Variants in ERG observed in about 807,000 individuals in gnomAD.
ERG encodes the protein ETS transcription factor ERG, also known as transcriptional regulator ERG.
In ERG, 9 loss-of-function variants were observed where a neutral mutation model predicts 55.3. The observed-to-expected ratio is 0.16, with a 90% CI of 0.10 to 0.28. The LOEUF (loss-of-function observed/expected upper bound fraction) is 0.28, where lower values mean the gene tolerates loss of function less well. Ranked by LOEUF, ERG falls within the 10% of genes least tolerant of loss-of-function variation. The probability of loss-of-function intolerance (pLI) is 1.00; values close to 1 mark genes in which losing one functional copy is unlikely to be tolerated. For missense variants in ERG, 434 were observed against 631.6 expected (o/e 0.69, Z 3.35); for synonymous variants, 223 against 237.3 (o/e 0.94, Z 0.55).
At chr21:38,408,017 A>T (rs1316302856) in intron 3 of ERG, among the ~76,000 whole-genome samples, 2 of 151,986 alleles carry the variant, frequency 1.3e-5, no homozygotes, top group Admixed American at 6.6e-5. Flanking sequence ...TATTTTGTTA[A>T]TATAGACTGC....
At chr21:38,376,687 C>CG (rs1987251837), downstream of ERG, among the ~76,000 whole-genome samples, 2 of 152,270 alleles carry the variant, frequency 1.3e-5, no homozygotes, top group Admixed American at 1.3e-4. Context: ...AGCATCAGAG[C>CG]GGATGGAGAC....
At chr21:38,655,074 G>A (rs1424715604) in intron 1 of ERG, among the ~76,000 whole-genome samples, 1 of 152,116 alleles carries the variant, frequency 6.6e-6, no homozygotes, top group Non-Finnish European at 1.5e-5. Context: ...AGTGGTTTCT[G>A]TTTCAAAACA....
intron 1 of ERG, among the ~76,000 whole-genome samples, chr21:38,466,362 A>C (rs1035192724): frequency 1.3e-5 from 2 of 149,850 alleles, no homozygotes; most frequent in Non-Finnish European, 3.0e-5. Flanking sequence ...TATATGATGT[A>C]TATATGATTT....
intron 3 of ERG, among the ~76,000 whole-genome samples, chr21:38,412,311 T>C (rs113844975): frequency 0.013 from 2,012 of 152,344 alleles, 24 homozygotes; most frequent in Admixed American, 0.019. Context: ...CACTTTTTTT[T>C]CTTTGTTTCT....
At chr21:38,575,970 C>A (rs1480575004) in intron 1 of ERG, among the ~76,000 whole-genome samples, 1 of 152,202 alleles carries the variant, frequency 6.6e-6, no homozygotes, top group African/African-American at 2.4e-5. Flanking sequence ...CCAAGAGAAC[C>A]CTAGTCCGAC....
chr21:38,453,701 GA>G (rs2058961952), intron 1 of ERG, among the ~76,000 whole-genome samples: 1 of 152,100 alleles, frequency 6.6e-6, no homozygotes, highest in South Asian at 2.1e-4. Flanking sequence ...TGGCCAACAT[GA>G]TGAAACCCTG....
rs146107700 is a variant in ERG at position 38,596,214 on chromosome 21, C to T, written c.-149-11269G>A. Among the ~76,000 whole-genome samples the T allele has an allele frequency of 2.7e-3, 409 of 152,274 alleles. 3 individuals are homozygous for T. The highest frequency in any genetic ancestry group is 0.017 in the Middle Eastern group (5 of 294). On this transcript the variant is annotated intron_variant, in intron 1 of 10. Coordinates refer to the ERG transcript ENST00000398910. ...AGTGCAAGGTGCAGGCAGAGCCTTTCATAGTTTTAATCACTAGGTCCATTT... is the reference window on the plus strand; with the variant it reads ...AGTGCAAGGTGCAGGCAGAGCCTTTTATAGTTTTAATCACTAGGTCCATTT...
Position 38,445,465 on chromosome 21 carries a change from G to A in ERG, c.175C>T (p.Gln59Ter), listed in dbSNP as rs2146556551. The A allele has an allele frequency of 6.2e-7, 1 of 1,614,162 alleles. No homozygotes were observed. Among genetic ancestry groups the A allele is most frequent in the Non-Finnish European group, 8.5e-7 (1 of 1,180,026 alleles). ...TTGATGGTGACCCTGGCTGGGGGTT[G>A]AGACAGCCAATCCTGCTGAGGGACG... ...PRVPQQDWLS[Q>*]PPARVTIKME... Residue 59 changes from glutamine (Q) to a stop codon, truncating the protein, a stop_gained, in exon 2 of 10, where the codon CAA becomes TAA. Transcript: ENST00000288319. LOFTEE classifies it high-confidence loss of function.
At chr21:38,543,370 A>AG (rs1449046207) in intron 2 of ERG, among the ~76,000 whole-genome samples, 7 of 151,530 alleles carry the variant, frequency 4.6e-5, no homozygotes, top group African/African-American at 1.7e-4. Flanking sequence ...TTTTTAAAAA[A>AG]AAAGCAATTC....
chr21:38,657,221 C>T (rs2060524714), intron 1 of ERG, among the ~76,000 whole-genome samples: 1 of 152,172 alleles, frequency 6.6e-6, no homozygotes, highest in African/African-American at 2.4e-5. Flanking sequence ...GACAGAGTCA[C>T]ATAATGAAAC....
chr21:38,423,519 C>G lies in ERG; in HGVS notation c.279G>C (p.Met93Ile), dbSNP rs1989649667. The G allele has an allele frequency of 6.2e-7, 1 of 1,614,110 alleles. No individual in the cohort carries two copies. The highest frequency in any genetic ancestry group is 1.3e-5 in the African/African-American group (1 of 75,040). The change falls in exon 3 of 10, where the codon ATG becomes ATC. Residue 93 changes from methionine to isoleucine, a missense_variant. Coordinates refer to ENST00000288319, the MANE Select transcript of ERG (RefSeq NM_182918.4). The part of the protein sequence containing the change: ...DECSVAKGGK[M>I]VGSPDTVGMN... The stretch of plus-strand genomic sequence containing the variant: ...TCCCAACGGTGTCTGGGCTGCCCAC[C>G]ATCTTCCCGCCTTTGGCCACACTGC...
chr21:38,436,709 A>C (rs2058793381), intron 2 of ERG, among the ~76,000 whole-genome samples: 1 of 152,208 alleles, frequency 6.6e-6, no homozygotes, highest in Non-Finnish European at 1.5e-5. Context: ...GGGTTTTAGA[A>C]ATATGGGTTA....
chr21:38,405,766 G>A (rs775567004), intron 3 of ERG, among the ~76,000 whole-genome samples: 2 of 152,080 alleles, frequency 1.3e-5, no homozygotes, highest in Non-Finnish European at 2.9e-5. Context: ...ACCTAGATAC[G>A]GGATTTCTGA....
chr21:38,434,104 T>G (rs1990352453), intron 2 of ERG, among the ~76,000 whole-genome samples: 1 of 152,174 alleles, frequency 6.6e-6, no homozygotes, highest in African/African-American at 2.4e-5. Context: ...CCTCCCTAGA[T>G]TCTCCTCAGT....
In ERG at chr21:38,400,465, T is replaced by C. The variant is rs780446144; in HGVS notation, c.745+109A>G. 5.0e-5 allele frequency: 44 copies of C among 888,512 alleles called. 2 individuals are homozygous for C. The highest frequency in any genetic ancestry group is 2.1e-5 in the Non-Finnish European group (11 of 518,196). 55.0% of individuals were successfully genotyped at this position (888,512 alleles called of 1,614,324 possible). A position where few individuals can be genotyped will look rare whatever the true frequency, so the allele number is the denominator to read the frequency against. ...CAGAATAAGACTGTCTGGGACTGGC[T>C]TCAGCTCCGGGATCAGCTCTCTTTG... On this transcript the variant is annotated intron_variant, in intron 6 of 9. Coordinates refer to ENST00000288319, the MANE Select transcript of ERG (RefSeq NM_182918.4).
intron 2 of ERG, among the ~76,000 whole-genome samples, chr21:38,570,561 G>A (rs1165384922): frequency 1.3e-5 from 2 of 152,130 alleles, no homozygotes; most frequent in African/African-American, 4.8e-5. Context: ...GCTCACAATT[G>A]TTTAGTACTC....
At chr21:38,388,524 A>G (rs2146421953) in intron 9 of ERG, among the ~76,000 whole-genome samples, 1 of 152,364 alleles carries the variant, frequency 6.6e-6, no homozygotes, top group South Asian at 2.1e-4. Flanking sequence ...AAATAGAATC[A>G]AACAGGAAGA....
chr21:38,561,023 G>C (rs185232447), intron 2 of ERG, among the ~76,000 whole-genome samples: 2 of 151,568 alleles, frequency 1.3e-5, no homozygotes, highest in African/African-American at 4.9e-5. Flanking sequence ...AAAATGTGGG[G>C]TTTTTTTTAA....
intron 1 of ERG, among the ~76,000 whole-genome samples, chr21:38,468,696 G>A (rs1191805064): frequency 1.3e-5 from 2 of 152,248 alleles, no homozygotes; most frequent in African/African-American, 4.8e-5. Flanking sequence ...CTATGAAAAT[G>A]TGGCTTCTGC....
Sources: gnomAD v4.1 joint callset for allele counts (sites outside exome capture counted in the v4.1 genomes callset) on GRCh38, gnomAD v4.1.1 for gene constraint, MANE v1.5 for transcripts, NCBI Gene and HGNC (gene_info 2026-07-23, HGNC 2026-07-21) for gene names.